Variants in SCAPER observed in about 807,000 individuals in gnomAD.
The protein encoded by SCAPER is S-phase cyclin A associated protein in the ER.
A neutral mutation model predicts 182.2 loss-of-function variants in SCAPER; 98 were observed. The ratio of observed to expected loss-of-function variants is 0.54; its 90% CI spans 0.46 to 0.64. The LOEUF (loss-of-function observed/expected upper bound fraction) is 0.64. Ranked by LOEUF, SCAPER falls within the 30% of genes least tolerant of loss-of-function variation. SCAPER has a pLI of 0.00. For missense variants in SCAPER, 1,432 were observed against 1,690.0 expected, an observed-to-expected ratio of 0.85 and a Z score of 2.68; for synonymous variants, 605 against 564.6, an observed-to-expected ratio of 1.07 and a Z score of -1.01.
intron 23 of SCAPER, among the ~76,000 whole-genome samples, chr15:76,531,486 G>C (rs540688087): frequency 5.9e-5 from 9 of 152,160 alleles, no homozygotes; most frequent in African/African-American, 2.2e-4. Flanking sequence ...TGCTTTAGTT[G>C]GTACATCCTA....
At position 76,753,874 on chromosome 15, in the gene SCAPER, A is replaced by G; in HGVS notation, c.1800T>C (p.His600=). Residue 600 remains histidine, a synonymous_variant, in exon 15 of 32, where the codon CAT becomes CAC. Transcript: ENST00000563290. ...RRRMMEEKLL[H]AEFKREVQLQ... ...ACTGCACTTCTCGCTTAAACTCAGC[A>G]TGAAGTAATTTTTCTTCCATCATCC... The G allele has an allele frequency of 6.2e-7, 1 of 1,613,200 alleles. No homozygotes were observed. The highest frequency in any genetic ancestry group is 8.5e-7 in the Non-Finnish European group (1 of 1,179,366).
rs573176615 is a variant in SCAPER, at chr15:76,351,123, T to C, written c.4099+114A>G. On this transcript the variant is annotated intron_variant, in intron 31 of 31. Coordinates refer to ENST00000563290, the MANE Select transcript of SCAPER (RefSeq NM_020843.4). ...ATACTTGGTATCTGAATCTCAAATA[T>C]TTTTAGGTTATGTATAAAATTTTAC... The C allele has an allele frequency of 9.1e-5, 76 of 835,140 alleles. No individual in the cohort carries two copies. The Middle Eastern group carries it at 9.4e-4, about 10-fold the overall frequency. 51.7% of individuals were successfully genotyped at this position (835,140 alleles called of 1,614,324 possible).
intron 23 of SCAPER, among the ~76,000 whole-genome samples, chr15:76,511,682 G>A (rs1409347312): frequency 6.6e-6 from 1 of 151,660 alleles, no homozygotes; most frequent in Non-Finnish European, 1.5e-5. Flanking sequence ...TTTCATCTTT[G>A]TATCTCCACT....
At chr15:76,448,539 A>G (rs763433637) in intron 25 of SCAPER, among the ~76,000 whole-genome samples, 1 of 152,150 alleles carries the variant, frequency 6.6e-6, no homozygotes, top group Non-Finnish European at 1.5e-5. Flanking sequence ...GGTGTATGAG[A>G]AAACAGCTGA....
At chr15:76,771,708 G>C in intron 10 of SCAPER, 34 bp downstream of exon 10, 1 of 1,511,958 alleles carries the variant, frequency 6.6e-7, no homozygotes, top group South Asian at 1.1e-5. Flanking sequence ...TCAGAATTCT[G>C]ATAAGTTGTT....
chr15:76,741,431 A>G (rs2061531567), intron 15 of SCAPER, among the ~76,000 whole-genome samples: 1 of 152,152 alleles, frequency 6.6e-6, no homozygotes. Flanking sequence ...GACCATAAAA[A>G]GTCCCTGAAG....
chr15:76,508,066 GCCCATCTTATTCACTGTCTCTTCCTTGTC>G (rs369688353), intron 23 of SCAPER, among the ~76,000 whole-genome samples: 99 of 151,238 alleles, frequency 6.5e-4, no homozygotes, highest in African/African-American at 2.2e-3. Context: ...TATCCCTTGT[GCCCATCTTATTCACTGTCTCTTCCTTGTC>G]CCAAAATGTA....
intron 26 of SCAPER, among the ~76,000 whole-genome samples, chr15:76,432,190 C>A (rs1409593972): frequency 6.6e-6 from 1 of 152,140 alleles, no homozygotes; most frequent in African/African-American, 2.4e-5. Context: ...CATTCGTCAG[C>A]AGAGAGGGCA....
intron 27 of SCAPER, 111 bp from the exon 28 acceptor site, chr15:76,381,726 T>C: frequency 1.2e-6 from 1 of 822,476 alleles, no homozygotes; most frequent in Non-Finnish European, 1.9e-6. Flanking sequence ...ACCATCTGAG[T>C]TGTATAGTAT....
At chr15:76,480,943 G>T (rs559478917) in intron 24 of SCAPER, among the ~76,000 whole-genome samples, 128 of 152,250 alleles carry the variant, frequency 8.4e-4, no homozygotes, top group Non-Finnish European at 1.3e-3. Flanking sequence ...GTGTTAGCCA[G>T]GATGGTCTCG....
chr15:76,822,330 A>C (rs1433772486), intron 5 of SCAPER, among the ~76,000 whole-genome samples: 1 of 152,236 alleles, frequency 6.6e-6, no homozygotes. Context: ...TCTTAAAAAA[A>C]TAAAGTCATA....
chr15:76,738,529 G>C (rs921447192), intron 15 of SCAPER, among the ~76,000 whole-genome samples: 1 of 112,930 alleles, frequency 8.9e-6, no homozygotes. Flanking sequence ...GCAACAAAGC[G>C]AGACTCTGTC....
Position 76,768,875 on chromosome 15 carries a change from A to G in SCAPER, c.1249-1787T>C, listed in dbSNP as rs143708604. ...ACATGTTCACATAAAGTTGTACACA[A>G]AAACGTTCGTGGCATCTTTATTCAT... On this transcript the variant is annotated intron_variant, in intron 10 of 31. Coordinates refer to ENST00000563290, the MANE Select transcript of SCAPER (RefSeq NM_020843.4). 8.9e-3 allele frequency among the ~76,000 whole-genome samples: 1,359 copies of G among 152,250 alleles called. 9 individuals are homozygous for G. Among genetic ancestry groups the G allele is most frequent in the Non-Finnish European group, 0.015 (1,049 of 68,012 alleles).
intron 21 of SCAPER, among the ~76,000 whole-genome samples, chr15:76,652,494 T>A (rs1172587031): frequency 9.6e-6 from 1 of 104,570 alleles, no homozygotes; most frequent in Non-Finnish European, 1.9e-5. Context: ...CTTTGCTAAA[T>A]ATATATATAT....
chr15:76,727,855 G>GA (rs1192922307), intron 17 of SCAPER, among the ~76,000 whole-genome samples: 2 of 149,168 alleles, frequency 1.3e-5, no homozygotes, highest in Non-Finnish European at 1.5e-5. Context: ...ACATCAATAA[G>GA]AAAAAAAAGA....
intron 24 of SCAPER, among the ~76,000 whole-genome samples, chr15:76,497,326 T>C (rs1177714114): frequency 6.6e-6 from 1 of 152,042 alleles, no homozygotes; most frequent in African/African-American, 2.4e-5. Flanking sequence ...GGATTATAAA[T>C]CCTATCTTGC....
At chr15:76,889,942 G>T (rs2074072948) in intron 1 of SCAPER, among the ~76,000 whole-genome samples, 1 of 152,124 alleles carries the variant, frequency 6.6e-6, no homozygotes, top group South Asian at 2.1e-4. Flanking sequence ...CTCAGCAAAT[G>T]TAAAAGAAAA....
intron 23 of SCAPER, among the ~76,000 whole-genome samples, chr15:76,566,321 T>C (rs987250881): frequency 3.9e-5 from 6 of 152,142 alleles, no homozygotes; most frequent in African/African-American, 1.4e-4. Flanking sequence ...AATTGTGATT[T>C]CACATATCTC....
At chr15:76,577,708 G>A (rs2047949748) in intron 22 of SCAPER, among the ~76,000 whole-genome samples, 1 of 152,156 alleles carries the variant, frequency 6.6e-6, no homozygotes, top group African/African-American at 2.4e-5. Flanking sequence ...TAGCCAGGAA[G>A]CACTCGCCAA....
Sources: allele counts gnomAD v4.1 joint callset (sites outside exome capture counted in the v4.1 genomes callset), GRCh38; gene constraint gnomAD v4.1.1; transcripts MANE v1.5; gene names NCBI Gene and HGNC (gene_info 2026-07-23, HGNC 2026-07-21).